SENP6: variants seen among roughly 807,000 people sequenced by gnomAD.
The protein encoded by SENP6 is SUMO specific peptidase 6.
In SENP6, 41 loss-of-function variants were observed where a neutral mutation model predicts 134.5. The observed-to-expected ratio is 0.30, with a 90% CI of 0.24 to 0.40. SENP6 has a LOEUF of 0.40. Among genes scored for constraint, SENP6 ranks in the 10% least tolerant of loss-of-function variants. The pLI, the probability that SENP6 is intolerant of heterozygous loss-of-function variation, is 1.00. For synonymous variants in SENP6, 395 were observed against 429.8 expected, an observed-to-expected ratio of 0.92 and a Z score of 1.00; for missense variants, 1,248 against 1,312.5, an observed-to-expected ratio of 0.95 and a Z score of 0.76.
intron 7 of SENP6, among the ~76,000 whole-genome samples, chr6:75,652,902 G>T (rs761616369): frequency 3.6e-4 from 55 of 152,012 alleles, no homozygotes; most frequent in South Asian, 1.2e-3. Flanking sequence ...ATGGCCATTT[G>T]AATTTATTTT....
rs780192509 is a variant in SENP6, at chr6:75,718,065, G to T, written c.*2471G>T. 1 of 151,666 alleles carries T rather than the reference G, an allele frequency of 6.6e-6. No homozygotes were observed. Among genetic ancestry groups the T allele is most frequent in the Non-Finnish European group, 1.5e-5 (1 of 67,892 alleles). 9.4% of individuals were successfully genotyped at this position (151,666 alleles called of 1,614,324 possible). A position where few individuals can be genotyped will look rare whatever the true frequency, so the allele number is the denominator to read the frequency against. ...TAAACTTTTAGTCAATTAAATGTAG[G>T]AGGTTTTATTTGAAAACATAAAATG... is the stretch of plus-strand genomic sequence containing the variant. On this transcript the variant is annotated 3_prime_UTR_variant, in exon 24 of 24. Transcript: ENST00000447266.
At chr6:75,649,821 C>T (rs915707245) in intron 7 of SENP6, among the ~76,000 whole-genome samples, 1 of 152,136 alleles carries the variant, frequency 6.6e-6, no homozygotes, top group Non-Finnish European at 1.5e-5. Flanking sequence ...GGCCCTTAAC[C>T]TATTATTTTG....
In SENP6 at chr6:75,602,585, G is replaced by T. The variant is rs745654803; in HGVS notation, c.52+9G>T. 35 of 1,551,198 alleles carry T rather than the reference G, an allele frequency of 2.3e-5. 1 individual carries two copies. Among genetic ancestry groups the T allele is most frequent in the Non-Finnish European group, 4.4e-6 (5 of 1,146,748 alleles). On this transcript the variant is annotated intron_variant, in intron 1 of 23. Transcript: ENST00000447266. ...GATTACTTTTCTGGAAGGTACGTCT[G>T]TTTCTGCCCTTGACGGGGAGAAGGG...
intron 16 of SENP6, among the ~76,000 whole-genome samples, chr6:75,680,099 A>G (rs899821899): frequency 3.9e-5 from 6 of 152,236 alleles, no homozygotes; most frequent in African/African-American, 1.2e-4. Context: ...TTTAGTTGAA[A>G]TGATGAGACA....
At chr6:75,638,634 T>A (rs1414651661) in intron 5 of SENP6, among the ~76,000 whole-genome samples, 2 of 133,016 alleles carry the variant, frequency 1.5e-5, no homozygotes, top group African/African-American at 5.7e-5. Flanking sequence ...TTTTTTTTTT[T>A]TTTTTTTTTT....
intron 7 of SENP6, among the ~76,000 whole-genome samples, chr6:75,648,915 A>T (rs550371805): frequency 4.6e-5 from 7 of 152,136 alleles, no homozygotes; most frequent in Non-Finnish European, 1.0e-4. Flanking sequence ...GCCAAATCCC[A>T]CTCTTAAACA....
chr6:75,647,519 A>G (rs1207638433), intron 6 of SENP6: 1 of 349,076 alleles, frequency 2.9e-6, no homozygotes, highest in Admixed American at 4.5e-5. Flanking sequence ...TTTATTTATT[A>G]ATTTGTTTTT....
At chr6:75,711,751 C>T (rs1201515718) in intron 21 of SENP6, among the ~76,000 whole-genome samples, 1 of 152,228 alleles carries the variant, frequency 6.6e-6, no homozygotes, top group East Asian at 1.9e-4. Flanking sequence ...CAGCTCACCA[C>T]AACCTCCACC....
chr6:75,683,182 G>T (rs1455471915), intron 16 of SENP6, among the ~76,000 whole-genome samples: 1 of 152,058 alleles, frequency 6.6e-6, no homozygotes, highest in Non-Finnish European at 1.5e-5. Flanking sequence ...TTTTTCATGT[G>T]TCTGTTCGCT....
At chr6:75,621,698 T>C in intron 2 of SENP6, 73 bp downstream of exon 2, 4 of 893,824 alleles carry the variant, frequency 4.5e-6, no homozygotes, top group Non-Finnish European at 7.1e-6. Flanking sequence ...TTCTATTGTA[T>C]GGAAATATTT....
intron 11 of SENP6, among the ~76,000 whole-genome samples, chr6:75,672,604 A>G (rs1192013887): frequency 2.6e-5 from 4 of 152,180 alleles, no homozygotes; most frequent in Non-Finnish European, 4.4e-5. Context: ...TCTTCTTCAG[A>G]TGGCGTAAAT....
At chr6:75,645,976 AG>A (rs796578544) in intron 6 of SENP6, among the ~76,000 whole-genome samples, 43 of 152,356 alleles carry the variant, frequency 2.8e-4, no homozygotes, top group African/African-American at 1.0e-3. Flanking sequence ...AAGATGGCTC[AG>A]TACACAAGTT....
At chr6:75,608,985 G>T (rs1767240009) in intron 1 of SENP6, among the ~76,000 whole-genome samples, 1 of 152,180 alleles carries the variant, frequency 6.6e-6, no homozygotes, top group African/African-American at 2.4e-5. Context: ...GTGTTGTAAT[G>T]AGAGAGGAAA....
intron 3 of SENP6, among the ~76,000 whole-genome samples, chr6:75,626,311 T>C (rs1768688077): frequency 1.3e-5 from 2 of 151,920 alleles, no homozygotes; most frequent in East Asian, 3.8e-4. Flanking sequence ...ATAAGTGACT[T>C]GTTTTAAAAA....
At chr6:75,648,511 C>T (rs773365100) in intron 7 of SENP6, among the ~76,000 whole-genome samples, 1 of 152,034 alleles carries the variant, frequency 6.6e-6, no homozygotes, top group Non-Finnish European at 1.5e-5. Context: ...TTAAAAAACA[C>T]CCACATTTTT....
chr6:75,668,527 A>G (rs2149871400), intron 10 of SENP6, among the ~76,000 whole-genome samples: 1 of 152,334 alleles, frequency 6.6e-6, no homozygotes, highest in African/African-American at 2.4e-5. Flanking sequence ...GTGAAAATGA[A>G]ATTAAAATAC....
chr6:75,640,826 G>A (rs1036854948), intron 6 of SENP6, 122 bp downstream of exon 6: 4 of 527,952 alleles, frequency 7.6e-6, no homozygotes, highest in Non-Finnish European at 1.3e-5. Context: ...TAATTTTAAA[G>A]TTTTAGTTGA....
intron 16 of SENP6, among the ~76,000 whole-genome samples, chr6:75,689,621 TAGTG>T (rs1774096063): frequency 1.3e-5 from 2 of 152,194 alleles, no homozygotes; most frequent in African/African-American, 4.8e-5. Flanking sequence ...CCATATGTGA[TAGTG>T]AGCCCATAAG....
chr6:75,606,081 A>G (rs1293709760), intron 1 of SENP6, among the ~76,000 whole-genome samples: 1 of 152,212 alleles, frequency 6.6e-6, no homozygotes, highest in East Asian at 1.9e-4. Flanking sequence ...GATGGAGTAG[A>G]CTGATAGAAG....
Sources: gnomAD v4.1 joint callset for allele counts (sites outside exome capture counted in the v4.1 genomes callset) on GRCh38, gnomAD v4.1.1 for gene constraint, MANE v1.5 for transcripts, NCBI Gene and HGNC (gene_info 2026-07-23, HGNC 2026-07-21) for gene names.